Variants in DYRK1A observed in about 807,000 individuals in gnomAD.
DYRK1A encodes the protein dual specificity tyrosine-phosphorylation-regulated kinase 1A.
DYRK1A carries 9 observed loss-of-function variants against 79.7 expected under a neutral mutation model. The ratio of observed to expected loss-of-function variants is 0.11; its 90% CI spans 0.07 to 0.20. DYRK1A has a LOEUF of 0.20. DYRK1A is among the 10% of genes least tolerant of loss of function. The pLI is 1.00. For synonymous variants in DYRK1A, 349 were observed against 329.7 expected (o/e 1.06, Z -0.63); for missense variants, 622 against 956.0 (o/e 0.65, Z 4.61).
At chr21:37,496,435 ATGG>A (rs2053272170) in intron 9 of DYRK1A, among the ~76,000 whole-genome samples, 177 bp downstream of exon 9, 3 of 152,228 alleles carry the variant, frequency 2.0e-5, no homozygotes, top group African/African-American at 7.2e-5. Context: ...ACTATCAGGT[ATGG>A]ACCAGTGTTT....
At chr21:37,379,941 A>G (rs760935116) in intron 1 of DYRK1A, among the ~76,000 whole-genome samples, 2 of 152,220 alleles carry the variant, frequency 1.3e-5, no homozygotes, top group South Asian at 2.1e-4. Flanking sequence ...TGTCCCTGCT[A>G]TCACGGATGT....
intron 1 of DYRK1A, among the ~76,000 whole-genome samples, chr21:37,409,413 A>G (rs2050204021): frequency 6.6e-6 from 1 of 152,132 alleles, no homozygotes. Flanking sequence ...AACGCTAAGC[A>G]CTTTTTTGGG....
chr21:37,396,197 A>G (rs1029866008), intron 1 of DYRK1A, among the ~76,000 whole-genome samples: 5 of 152,094 alleles, frequency 3.3e-5, no homozygotes, highest in African/African-American at 1.2e-4. Context: ...TGGACTTGGT[A>G]TAAATGAAAA....
At chr21:37,457,875 G>T (rs1489565971) in intron 2 of DYRK1A, among the ~76,000 whole-genome samples, 2 of 152,146 alleles carry the variant, frequency 1.3e-5, no homozygotes, top group African/African-American at 2.4e-5. Flanking sequence ...GCCTGCTTTA[G>T]AAGAAGACAG....
chr21:37,408,092 C>G (rs1602423591), intron 1 of DYRK1A, among the ~76,000 whole-genome samples: 1 of 152,184 alleles, frequency 6.6e-6, no homozygotes, highest in African/African-American at 2.4e-5. Flanking sequence ...ATAATAGTTG[C>G]TCAAGCTATT....
At chr21:37,387,363 T>C (rs1009012368) in intron 1 of DYRK1A, among the ~76,000 whole-genome samples, 3 of 152,218 alleles carry the variant, frequency 2.0e-5, no homozygotes, top group Non-Finnish European at 2.9e-5. Context: ...ATAAACCAGA[T>C]TGTGTACTAT....
chr21:37,378,799 C>A (rs2049599832), intron 1 of DYRK1A, among the ~76,000 whole-genome samples: 1 of 152,128 alleles, frequency 6.6e-6, no homozygotes, highest in Non-Finnish European at 1.5e-5. Flanking sequence ...CAGATAAGAC[C>A]ATGGCCGTTA....
At position 37,496,193 on chromosome 21, in the gene DYRK1A, A is replaced by G; in HGVS notation, c.1147A>G (p.Arg383Gly). 6.2e-7 allele frequency: 1 copy of G among 1,614,148 alleles called. No individual in the cohort carries two copies. The highest frequency in any genetic ancestry group is 8.5e-7 in the Non-Finnish European group (1 of 1,180,010). Residue 383 changes from arginine (R) to glycine (G), a missense_variant, in exon 9 of 12, where the codon AGA becomes GGA. Physicochemically the swap from Arg to Gly is moderately radical, Grantham distance 125 (BLOSUM62 -2). Coordinates refer to ENST00000647188, the MANE Select transcript of DYRK1A (RefSeq NM_001347721.2). ...AHILDQAPKARKFFEKLPDGT... is the reference protein window; with the variant it reads ...AHILDQAPKAGKFFEKLPDGT... ...TATTCTTGACCAAGCACCAAAAGCA[A>G]GAAAGTTCTTTGAGAAGTTGCCAGA...
chr21:37,459,686 A>G (rs1199027566), intron 2 of DYRK1A, among the ~76,000 whole-genome samples: 1 of 152,178 alleles, frequency 6.6e-6, no homozygotes, highest in Non-Finnish European at 1.5e-5. Flanking sequence ...CTGTTTTCGT[A>G]TTGAGACATG....
At chr21:37,435,842 T>C (rs776316850) in intron 2 of DYRK1A, among the ~76,000 whole-genome samples, 7 of 152,336 alleles carry the variant, frequency 4.6e-5, no homozygotes, top group Admixed American at 2.0e-4. Flanking sequence ...TTCCCTGTTC[T>C]TCTTCTGTTG....
intron 2 of DYRK1A, among the ~76,000 whole-genome samples, chr21:37,423,723 T>A (rs556900480): frequency 6.6e-6 from 1 of 152,298 alleles, no homozygotes; most frequent in African/African-American, 2.4e-5. Flanking sequence ...TAAACAATAG[T>A]GATATACTAG....
At chr21:37,457,011 AATTTACTTACTTACTTACTT>A (rs1200076500) in intron 2 of DYRK1A, among the ~76,000 whole-genome samples, 9 of 132,906 alleles carry the variant, frequency 6.8e-5, no homozygotes, top group Non-Finnish European at 8.0e-5. Flanking sequence ...GTAAAAAGAA[AATTTACTTACTTACTTACTT>A]ACTTACTTAT....
At chr21:37,370,759 T>C (rs1489948043) in intron 1 of DYRK1A, among the ~76,000 whole-genome samples, 1 of 152,188 alleles carries the variant, frequency 6.6e-6, no homozygotes, top group Non-Finnish European at 1.5e-5. Flanking sequence ...ATCTTTACTT[T>C]CTGTTGAGTG....
chr21:37,447,413 G>A (rs2051309049), intron 2 of DYRK1A, among the ~76,000 whole-genome samples: 1 of 151,780 alleles, frequency 6.6e-6, no homozygotes, highest in Non-Finnish European at 1.5e-5. Context: ...TGCCTCACAC[G>A]AATCTTGCTG....
At chr21:37,468,974 A>G (rs7281132) in intron 2 of DYRK1A, among the ~76,000 whole-genome samples, 1 of 152,228 alleles carries the variant, frequency 6.6e-6, no homozygotes, top group African/African-American at 2.4e-5. Flanking sequence ...TTTGTAAGAA[A>G]TGGGCTTACA....
intron 2 of DYRK1A, chr21:37,428,854 T>G (rs1428915473): frequency 6.6e-6 from 1 of 152,196 alleles, no homozygotes; most frequent in Non-Finnish European, 1.5e-5. Flanking sequence ...TTTTCTCGAA[T>G]TCCTGACCTC....
intron 2 of DYRK1A, among the ~76,000 whole-genome samples, chr21:37,458,304 G>GTGTGTGTGTGTGTGTGTGTGTGTA (rs1366699533): frequency 6.6e-6 from 1 of 150,672 alleles, no homozygotes; most frequent in Non-Finnish European, 1.5e-5. Flanking sequence ...GTGTGTGTGT[G>GTGTGTGTGTGTGTGTGTGTGTGTA]TGTACATATA....
intron 2 of DYRK1A, among the ~76,000 whole-genome samples, chr21:37,434,665 T>G (rs2050873062): frequency 1.3e-5 from 2 of 152,232 alleles, no homozygotes; most frequent in Non-Finnish European, 2.9e-5. Context: ...CTTCATATTT[T>G]AAGCTCTATA....
At chr21:37,419,336 C>T (rs1382160982) in intron 1 of DYRK1A, 1 of 152,120 alleles carries the variant, frequency 6.6e-6, no homozygotes, top group Non-Finnish European at 1.5e-5. Flanking sequence ...GAATTGGAGG[C>T]ATTGGGAATT....
Sources: gnomAD v4.1 joint callset for allele counts (sites outside exome capture counted in the v4.1 genomes callset) on GRCh38, gnomAD v4.1.1 for gene constraint, MANE v1.5 for transcripts, NCBI Gene and HGNC (gene_info 2026-07-23, HGNC 2026-07-21) for gene names.